Variants in MACF1 observed in about 807,000 individuals in gnomAD.
The protein encoded by MACF1 is microtubule actin crosslinking factor 1, also known as microtubule-actin cross-linking factor 1.
Under a neutral mutation model 854.8 loss-of-function variants are expected in MACF1, and 193 were observed. The observed-to-expected ratio is 0.23, with a 90% confidence interval of 0.20 to 0.25. The LOEUF (loss-of-function observed/expected upper bound fraction) is 0.25. Ranked by LOEUF, MACF1 falls within the 10% of genes least tolerant of loss-of-function variation. The pLI, the probability that MACF1 is intolerant of heterozygous loss-of-function variation, is 1.00. For synonymous variants in MACF1, 3,185 were observed against 3,226.7 expected, an observed-to-expected ratio of 0.99 and a Z score of 0.44; for missense variants, 7,722 against 8,929.1, an observed-to-expected ratio of 0.86 and a Z score of 5.45.
Position 39,324,208 on chromosome 1 carries a change from G to A in MACF1, c.4252G>A (p.Glu1418Lys). ...LEEEEKVVEEEKQEHVEKVKE... is the reference protein window; with the variant it reads ...LEEEEKVVEEKKQEHVEKVKE... ...CCTATTCTAGAAAGTGGTAGAAGAG[G>A]AGAAACAAGAACATGTGGAGAAGGT... Residue 1418 changes from glutamate to lysine, a missense_variant, in exon 34 of 101, where the codon GAG (glutamate) becomes AAG (lysine). This residue lies in a region of MACF1 where 1,137 missense variants were observed against 1,263.0 expected (regional missense o/e 0.90). Coordinates refer to ENST00000564288, the MANE Select transcript of MACF1 (RefSeq NM_001394062.1). The A allele has an allele frequency of 1.2e-6, 2 of 1,605,126 alleles. No homozygotes were observed. Among genetic ancestry groups the A allele is most frequent in the Non-Finnish European group, 1.7e-6 (2 of 1,176,092 alleles).
At chr1:39,201,935 A>G (rs150049659), upstream of MACF1, among the ~76,000 whole-genome samples, 134 of 141,980 alleles carry the variant, frequency 9.4e-4, no homozygotes, top group African/African-American at 3.3e-3. Flanking sequence ...AGATAGCCAC[A>G]TGACTTGTTT....
intron 2 of MACF1, among the ~76,000 whole-genome samples, chr1:39,156,620 A>G (rs569259618): frequency 1.3e-5 from 2 of 152,132 alleles, no homozygotes; most frequent in Non-Finnish European, 2.9e-5. Context: ...CCCTGTCTCA[A>G]AAACAACAAA....
chr1:39,124,086 A>ATGT (rs1642801017), intron 2 of MACF1, among the ~76,000 whole-genome samples: 1 of 130,256 alleles, frequency 7.7e-6, no homozygotes, highest in Non-Finnish European at 1.6e-5. Flanking sequence ...GGGCTTTGCC[A>ATGT]TGTTGCCCAG....
chr1:39,274,943 A>G (rs533815112), intron 6 of MACF1, among the ~76,000 whole-genome samples: 1 of 152,240 alleles, frequency 6.6e-6, no homozygotes, highest in Non-Finnish European at 1.5e-5. Context: ...TAAGAAAAAG[A>G]CAAACACCCT....
At chr1:39,353,253 C>A in intron 44 of MACF1, 22 bp downstream of exon 44, 1 of 1,555,638 alleles carries the variant, frequency 6.4e-7, no homozygotes, top group Non-Finnish European at 8.8e-7. Flanking sequence ...AGCTTATCCT[C>A]ACTATGCTAG....
At chr1:39,357,280 CCTCACATGGAGTA>C in intron 44 of MACF1, 82 bp from the exon 45 acceptor site, 2 of 1,321,530 alleles carry the variant, frequency 1.5e-6, no homozygotes, top group South Asian at 2.8e-5. Context: ...TGTAAGCAGA[CCTCACATGGAGTA>C]TGAAGTCCAG....
intron 3 of MACF1, among the ~76,000 whole-genome samples, chr1:39,251,301 A>G (rs1361139251): frequency 6.6e-6 from 1 of 152,166 alleles, no homozygotes; most frequent in African/African-American, 2.4e-5. Context: ...TTATAAGTCT[A>G]ATAAGTAATC....
intron 6 of MACF1, among the ~76,000 whole-genome samples, chr1:39,270,333 T>C (rs1214465411): frequency 6.6e-6 from 1 of 152,104 alleles, no homozygotes; most frequent in African/African-American, 2.4e-5. Context: ...TGGGGATTAG[T>C]TGAGAGAGAG....
At chr1:39,243,608 G>T (rs560741785) in intron 2 of MACF1, among the ~76,000 whole-genome samples, 1 of 152,092 alleles carries the variant, frequency 6.6e-6, no homozygotes, top group Non-Finnish European at 1.5e-5. Context: ...TCACTGTGTT[G>T]CCCTGACTGG....
At chr1:39,165,569 G>T (rs775334666) in intron 2 of MACF1, among the ~76,000 whole-genome samples, 3 of 152,160 alleles carry the variant, frequency 2.0e-5, no homozygotes, top group Admixed American at 1.3e-4. Context: ...GAGTGAGCCT[G>T]TATAGCTAAC....
chr1:39,092,907 C>A (rs1444892240), intron 2 of MACF1, among the ~76,000 whole-genome samples: 1 of 151,978 alleles, frequency 6.6e-6, no homozygotes, highest in Non-Finnish European at 1.5e-5. Flanking sequence ...CTCAGCCCCC[C>A]GAGTAACTGG....
At chr1:39,247,342 A>C (rs1375969263) in intron 2 of MACF1, among the ~76,000 whole-genome samples, 1 of 152,112 alleles carries the variant, frequency 6.6e-6, no homozygotes, top group Non-Finnish European at 1.5e-5. Context: ...AAGTGCTGGG[A>C]TTACAGGTGT....
chr1:39,394,708 TA>T (rs780749314), intron 58 of MACF1, among the ~76,000 whole-genome samples: 14 of 152,310 alleles, frequency 9.2e-5, no homozygotes, highest in Non-Finnish European at 1.5e-4. Context: ...TTCAAATGAT[TA>T]CAAGGACAGT....
intron 97 of MACF1, among the ~76,000 whole-genome samples, chr1:39,473,473 A>G (rs1372430844): frequency 2.6e-5 from 4 of 152,180 alleles, no homozygotes; most frequent in African/African-American, 9.7e-5. Context: ...GGCAGTCACA[A>G]ATTTAACTTT....
chr1:39,101,980 T>G (rs951914259), intron 2 of MACF1, among the ~76,000 whole-genome samples: 1 of 150,822 alleles, frequency 6.6e-6, no homozygotes, highest in African/African-American at 2.4e-5. Flanking sequence ...ATCGAGACCA[T>G]CCTGGCTAAC....
chr1:39,402,444 G>A (rs1642515149), intron 58 of MACF1, among the ~76,000 whole-genome samples: 2 of 152,094 alleles, frequency 1.3e-5, no homozygotes, highest in Non-Finnish European at 2.9e-5. Context: ...ATAGTTTAGA[G>A]CACATAGTAG....
chr1:39,187,848 TTCTC>T (rs1310466849), intron 2 of MACF1, among the ~76,000 whole-genome samples: 1 of 40,272 alleles, frequency 2.5e-5, no homozygotes, highest in Non-Finnish European at 6.8e-5. Context: ...GAGGCTGTCT[TTCTC>T]TCTCTCTCTC....
intron 56 of MACF1, among the ~76,000 whole-genome samples, chr1:39,383,453 T>G (rs1373134088): frequency 6.6e-6 from 1 of 152,224 alleles, no homozygotes; most frequent in Non-Finnish European, 1.5e-5. Flanking sequence ...TTTATTGTAT[T>G]AAAATACTGA....
At position 39,379,219 on chromosome 1, in the gene MACF1, G is replaced by A; in HGVS notation, c.13293G>A (p.Gln4431=). Residue 4431 remains glutamine (Q), a synonymous_variant, in exon 54 of 101, where the codon CAG becomes CAA. Coordinates refer to ENST00000564288, the MANE Select transcript of MACF1 (RefSeq NM_001394062.1). ...YHTCKDLTEI[Q]CDMSDVNLKY... Reference sequence around the variant, plus strand: ...TGATACTAGATCTGACGGAGATCCAGTGTGACATGTCAGATGTAAACTTGA... The same window carrying A: ...TGATACTAGATCTGACGGAGATCCAATGTGACATGTCAGATGTAAACTTGA... 6.2e-7 allele frequency: 1 copy of A among 1,603,952 alleles called. No individual in the cohort carries two copies. The highest frequency in any genetic ancestry group is 8.5e-7 in the Non-Finnish European group (1 of 1,175,056).
Sources: allele counts gnomAD v4.1 joint callset (sites outside exome capture counted in the v4.1 genomes callset), GRCh38; gene constraint gnomAD v4.1.1; regional missense constraint gnomAD v4.1.1; transcripts MANE v1.5; gene names NCBI Gene and HGNC (gene_info 2026-07-23, HGNC 2026-07-21).